EGFLAM: variants seen among roughly 807,000 people sequenced by gnomAD.
EGFLAM encodes EGF like, fibronectin type III and laminin G domains, also known as pikachurin.
EGFLAM carries 79 observed loss-of-function variants against 113.1 expected under a neutral mutation model. The observed-to-expected ratio is 0.70, with a 90% CI of 0.58 to 0.84. The LOEUF (loss-of-function observed/expected upper bound fraction) is 0.84, where lower values mean the gene tolerates loss of function less well. Ranked by LOEUF, EGFLAM falls within the 40% of genes least tolerant of loss-of-function variation. The pLI is 0.00. For missense variants in EGFLAM, 1,265 were observed against 1,291.6 expected, an observed-to-expected ratio of 0.98 and a Z score of 0.32; for synonymous variants, 504 against 487.6, an observed-to-expected ratio of 1.03 and a Z score of -0.44.
At position 38,431,190 on chromosome 5, in the gene EGFLAM, C is replaced by T. The variant is rs764894626; in HGVS notation, c.2068C>T (p.Leu690Phe). The change falls in exon 15 of 22, where the codon CTC becomes TTC. Residue 690 changes from leucine to phenylalanine, a missense_variant. Leu to Phe is a conservative substitution (Grantham distance 22). Transcript: ENST00000322350. ...GTGVLRSEDP[L>F]TLGNWHELRV... ...TTCCTTCCACAGGAGTGAAGATCCC[C>T]TCACCCTGGGCAACTGGCACGAGCT... 5 of 1,614,034 alleles carry T rather than the reference C, an allele frequency of 3.1e-6. No homozygotes were observed. In the African/African-American group the frequency reaches 6.7e-5, roughly 22 times the overall value.
intron 11 of EGFLAM, among the ~76,000 whole-genome samples, chr5:38,415,643 C>A (rs1741617548): frequency 6.6e-6 from 1 of 152,176 alleles, no homozygotes; most frequent in African/African-American, 2.4e-5. Context: ...CTATGAATAG[C>A]CCTGCACTTC....
intron 16 of EGFLAM, among the ~76,000 whole-genome samples, chr5:38,436,577 T>C (rs1742358561): frequency 6.6e-6 from 1 of 152,158 alleles, no homozygotes; most frequent in Non-Finnish European, 1.5e-5. Flanking sequence ...ACCAGGTGTT[T>C]CAAATTCTCA....
intron 6 of EGFLAM, among the ~76,000 whole-genome samples, chr5:38,388,856 C>G (rs559301464): frequency 6.7e-6 from 1 of 148,762 alleles, no homozygotes; most frequent in African/African-American, 2.5e-5. Flanking sequence ...TCGAGGCTGC[C>G]GTGAGCCCTG....
chr5:38,419,635 T>C (rs1049091375), intron 12 of EGFLAM, among the ~76,000 whole-genome samples: 3 of 152,320 alleles, frequency 2.0e-5, no homozygotes, highest in South Asian at 2.1e-4. Flanking sequence ...GCTAATATTA[T>C]TAGTTGAGCA....
At chr5:38,404,431 C>A (rs532327895) in intron 6 of EGFLAM, among the ~76,000 whole-genome samples, 1 of 152,244 alleles carries the variant, frequency 6.6e-6, no homozygotes, top group South Asian at 2.1e-4. Flanking sequence ...ACTGCCAGCC[C>A]TTTGATCTGG....
chr5:38,307,344 G>T (rs899410049), intron 1 of EGFLAM, among the ~76,000 whole-genome samples: 1 of 152,138 alleles, frequency 6.6e-6, no homozygotes, highest in Non-Finnish European at 1.5e-5. Flanking sequence ...CCAGTGGGAG[G>T]GAATTGAATC....
intron 1 of EGFLAM, among the ~76,000 whole-genome samples, chr5:38,272,524 T>G (rs1757789203): frequency 6.6e-6 from 1 of 152,236 alleles, no homozygotes. Context: ...GTACTCCAAT[T>G]CTTCAACATT....
intron 3 of EGFLAM, among the ~76,000 whole-genome samples, chr5:38,343,943 G>C (rs1739409197): frequency 6.6e-6 from 1 of 152,198 alleles, no homozygotes; most frequent in Non-Finnish European, 1.5e-5. Context: ...AGCAGAACCT[G>C]GCTCTCCTGG....
chr5:38,302,771 A>G lies in EGFLAM; in HGVS notation c.98-34749A>G, dbSNP rs536226472. Among the ~76,000 whole-genome samples, 41 of 152,086 alleles carry G rather than the reference A, an allele frequency of 2.7e-4. No individual in the cohort carries two copies. In the South Asian group the frequency reaches 8.1e-3, roughly 30 times the overall value. On this transcript the variant is annotated intron_variant, in intron 1 of 21. Coordinates refer to ENST00000322350, the MANE Select transcript of EGFLAM (RefSeq NM_152403.4). ...TTTTCTCCCTTGTTTAAGTAGCTGT[A>G]AAGTAGACCATATAGATTTTTCTAA... is the stretch of plus-strand genomic sequence containing the variant.
intron 1 of EGFLAM, among the ~76,000 whole-genome samples, chr5:38,309,572 A>C (rs1005298722): frequency 6.6e-6 from 1 of 152,104 alleles, no homozygotes; most frequent in Non-Finnish European, 1.5e-5. Flanking sequence ...AGCCCAATGT[A>C]CCCCATACTG....
intron 1 of EGFLAM, among the ~76,000 whole-genome samples, chr5:38,299,008 A>G (rs184491627): frequency 3.9e-5 from 6 of 152,322 alleles, no homozygotes; most frequent in African/African-American, 9.6e-5. Context: ...CTTTAAAACA[A>G]TATTGGATAT....
intron 6 of EGFLAM, among the ~76,000 whole-genome samples, chr5:38,394,603 G>T (rs1184458166): frequency 2.0e-5 from 3 of 151,316 alleles, no homozygotes; most frequent in African/African-American, 4.9e-5. Flanking sequence ...TAGAGACGGG[G>T]TTTCACCGTG....
intron 6 of EGFLAM, among the ~76,000 whole-genome samples, chr5:38,400,257 G>A (rs1165526744): frequency 3.3e-5 from 5 of 152,152 alleles, no homozygotes; most frequent in Admixed American, 2.6e-4. Flanking sequence ...AACCTGTGAT[G>A]CCTTTATTAA....
chr5:38,409,209 A>C (rs770298615), intron 10 of EGFLAM, 105 bp downstream of exon 10: 10 of 852,714 alleles, frequency 1.2e-5, no homozygotes, highest in Non-Finnish European at 1.8e-5. Flanking sequence ...GTTCTAGTAG[A>C]TGAAAGAATG....
At chr5:38,446,976 C>G (rs936443863) in intron 17 of EGFLAM, among the ~76,000 whole-genome samples, 2 of 152,162 alleles carry the variant, frequency 1.3e-5, no homozygotes, top group African/African-American at 2.4e-5. Flanking sequence ...TTTCGTGAAG[C>G]TATAACGTGT....
intron 6 of EGFLAM, among the ~76,000 whole-genome samples, chr5:38,386,848 C>T (rs934737863): frequency 6.6e-6 from 1 of 152,180 alleles, no homozygotes; most frequent in African/African-American, 2.4e-5. Flanking sequence ...AGAGCTGAGA[C>T]AGCCCTTGCC....
At chr5:38,338,971 G>T (rs535397920) in intron 3 of EGFLAM, among the ~76,000 whole-genome samples, 190 bp downstream of exon 3, 49 of 152,278 alleles carry the variant, frequency 3.2e-4, no homozygotes, top group African/African-American at 1.2e-3. Context: ...TGGAAAACAG[G>T]CATCTGACGA....
chr5:38,387,697 T>C (rs980496054), intron 6 of EGFLAM, among the ~76,000 whole-genome samples: 1 of 152,272 alleles, frequency 6.6e-6, no homozygotes, highest in South Asian at 2.1e-4. Flanking sequence ...CCTCTTTCTT[T>C]GTCTTGCTTT....
In EGFLAM at chr5:38,454,883, A is replaced by G. The variant is rs143303880; in HGVS notation, c.2687+3425A>G. On this transcript the variant is annotated intron_variant, in intron 19 of 21. Coordinates refer to ENST00000322350, the MANE Select transcript of EGFLAM (RefSeq NM_152403.4). Reference sequence around the variant, plus strand: ...ACAATGGGATTCTAAAAATGTATATATGTATATATATTTATAGTTTTGGTG... The same window carrying G: ...ACAATGGGATTCTAAAAATGTATATGTGTATATATATTTATAGTTTTGGTG... Among the ~76,000 whole-genome samples the G allele has an allele frequency of 3.4e-3, 519 of 152,344 alleles. 5 individuals are homozygous for G. The highest frequency in any genetic ancestry group is 0.011 in the African/African-American group (465 of 41,576).
Sources: allele counts gnomAD v4.1 joint callset (sites outside exome capture counted in the v4.1 genomes callset), GRCh38; gene constraint gnomAD v4.1.1; transcripts MANE v1.5; gene names NCBI Gene and HGNC (gene_info 2026-07-23, HGNC 2026-07-21).